The following PDE10A variants were observed in gnomAD, a reference collection of about 807,000 sequenced individuals.
PDE10A encodes cAMP and cAMP-inhibited cGMP 3',5'-cyclic phosphodiesterase 10A.
In PDE10A, 39 loss-of-function variants were observed where a neutral mutation model predicts 97.7. That is an observed-to-expected ratio of 0.40 (90% CI 0.31 to 0.52). The LOEUF is 0.52. Ranked by LOEUF, PDE10A falls within the 20% of genes least tolerant of loss-of-function variation. The pLI, the probability that PDE10A is intolerant of heterozygous loss-of-function variation, is 0.56. For missense variants in PDE10A, 731 were observed against 1,047.8 expected (o/e 0.70, Z 4.17); for synonymous variants, 371 against 376.8 (o/e 0.98, Z 0.18).
At chr6:165,521,552 AG>A (rs1463161665) in intron 2 of PDE10A, among the ~76,000 whole-genome samples, 1 of 152,230 alleles carries the variant, frequency 6.6e-6, no homozygotes, top group African/African-American at 2.4e-5. Flanking sequence ...GTGATACAAA[AG>A]AGAAACAGCT....
At position 165,836,627 on chromosome 6, in the gene PDE10A, C is replaced by T. The variant is rs144521355; in HGVS notation, c.-615+150902G>A. On this transcript the variant is annotated intron_variant, in intron 1 of 19. Transcript: ENST00000366882. ...TCCTGCCTCGGGGCAGTGACCTCTG[C>T]GGTCAGTGATATCTGGGGACCAAGC... Among the ~76,000 whole-genome samples, 45 of 152,314 alleles carry T rather than the reference C, an allele frequency of 3.0e-4. No homozygotes were observed. The Middle Eastern group carries it at 0.014, about 46-fold the overall frequency.
chr6:165,564,212 C>T (rs1002730444), intron 1 of PDE10A, among the ~76,000 whole-genome samples: 2 of 152,120 alleles, frequency 1.3e-5, no homozygotes, highest in Non-Finnish European at 2.9e-5. Context: ...AAGAGTCCAA[C>T]ACTGTTCCTC....
At chr6:165,749,279 T>C (rs62427266) in intron 1 of PDE10A, among the ~76,000 whole-genome samples, 153 of 32,214 alleles carry the variant, frequency 4.7e-3, no homozygotes, top group South Asian at 0.016. Flanking sequence ...TCATCACCAT[T>C]ACCATCATCA....
chr6:165,629,239 C>A (rs927340351), intron 1 of PDE10A, among the ~76,000 whole-genome samples: 8 of 152,150 alleles, frequency 5.3e-5, no homozygotes, highest in Non-Finnish European at 1.2e-4. Flanking sequence ...TCAAGTAACA[C>A]TCATTACGCT....
chr6:165,407,188 T>C (rs760677809), intron 13 of PDE10A, among the ~76,000 whole-genome samples: 10 of 152,274 alleles, frequency 6.6e-5, no homozygotes, highest in Non-Finnish European at 1.0e-4. Context: ...CCATATTTTA[T>C]ATATAAAATG....
intron 1 of PDE10A, among the ~76,000 whole-genome samples, chr6:165,889,872 CACT>C (rs1246030153): frequency 1.5e-5 from 2 of 136,504 alleles, no homozygotes; most frequent in African/African-American, 5.4e-5. Context: ...ACTCACTCCT[CACT>C]CCTCCCTCAC....
intron 2 of PDE10A, among the ~76,000 whole-genome samples, chr6:165,521,365 G>T (rs554820608): frequency 4.9e-4 from 74 of 152,272 alleles, no homozygotes; most frequent in Admixed American, 8.5e-4. Context: ...GCAAAAGGAA[G>T]AGTCACATAC....
chr6:165,788,968 G>C (rs1256466826), intron 1 of PDE10A, among the ~76,000 whole-genome samples: 2 of 152,082 alleles, frequency 1.3e-5, no homozygotes, highest in East Asian at 3.9e-4. Context: ...AGAGGTGGTG[G>C]AAAAGGCAAT....
At chr6:165,751,112 T>C (rs952856111) in intron 1 of PDE10A, among the ~76,000 whole-genome samples, 1 of 152,130 alleles carries the variant, frequency 6.6e-6, no homozygotes, top group African/African-American at 2.4e-5. Context: ...GGTGCCGTCT[T>C]CACCTGCGGG....
intron 1 of PDE10A, among the ~76,000 whole-genome samples, chr6:165,585,074 T>C (rs906700473): frequency 6.6e-6 from 1 of 152,232 alleles, no homozygotes; most frequent in Non-Finnish European, 1.5e-5. Context: ...ATAAGATGCA[T>C]GAATAACATT....
At chr6:165,859,192 T>G (rs1361104474) in intron 1 of PDE10A, among the ~76,000 whole-genome samples, 1 of 152,218 alleles carries the variant, frequency 6.6e-6, no homozygotes, top group Non-Finnish European at 1.5e-5. Flanking sequence ...TCATGAACAC[T>G]GAAACTCACG....
chr6:165,757,261 C>T (rs921905862), intron 1 of PDE10A, among the ~76,000 whole-genome samples: 3 of 152,250 alleles, frequency 2.0e-5, no homozygotes, highest in African/African-American at 7.2e-5. Flanking sequence ...CGTGCCCAGC[C>T]TAGGATGCTA....
At chr6:165,738,485 G>A (rs1792638043) in intron 1 of PDE10A, among the ~76,000 whole-genome samples, 1 of 151,614 alleles carries the variant, frequency 6.6e-6, no homozygotes, top group Non-Finnish European at 1.5e-5. Flanking sequence ...GTGTGCATGT[G>A]TCTTTATAGC....
At position 165,399,991 on chromosome 6, in the gene PDE10A, G is replaced by T. The variant is rs191414544; in HGVS notation, c.2077-3532C>A. 2.6e-5 allele frequency among the ~76,000 whole-genome samples: 4 copies of T among 152,298 alleles called. No individual in the cohort carries two copies. The South Asian group carries it at 8.3e-4, about 32-fold the overall frequency. ...GGTAGTGGCATCAAGGGGCACAAAC[G>T]GATCAGTGGAACTAAATACAGAAAT... On this transcript the variant is annotated intron_variant, in intron 13 of 21. Coordinates refer to ENST00000539869, the MANE Select transcript of PDE10A (RefSeq NM_001385079.1).
chr6:165,654,256 G>A (rs1368741544), intron 1 of PDE10A, among the ~76,000 whole-genome samples: 10 of 151,896 alleles, frequency 6.6e-5, no homozygotes, highest in South Asian at 2.1e-4. Context: ...AGTCACTCCC[G>A]TCATCCTCCT....
chr6:165,855,038 A>C (rs530014864), intron 1 of PDE10A, among the ~76,000 whole-genome samples: 7 of 138,438 alleles, frequency 5.1e-5, no homozygotes, highest in East Asian at 4.0e-4. Flanking sequence ...TGAATGCATG[A>C]ATGAATGAAG....
chr6:165,661,841 C>G lies in PDE10A; in HGVS notation c.865+106G>C, dbSNP rs1460838490. 2.3e-5 allele frequency: 14 copies of G among 617,120 alleles called. No homozygotes were observed. Among genetic ancestry groups the G allele is most frequent in the Non-Finnish European group, 3.8e-5 (13 of 338,380 alleles). 38.2% of individuals were successfully genotyped at this position (617,120 alleles called of 1,614,324 possible). ...TGGGCGCTCCACGCCCGGGCACGGG[C>G]ACCTCGCTCGACACCCGCTTCCCAC... On this transcript the variant is annotated intron_variant, in intron 1 of 21. Transcript: ENST00000539869. This position sits in a 1 kb window ranked among gnomAD's most constrained non-coding sequence, Gnocchi z 4.8.
intron 1 of PDE10A, among the ~76,000 whole-genome samples, chr6:165,651,826 C>T (rs1789700923): frequency 6.6e-6 from 1 of 152,072 alleles, no homozygotes; most frequent in African/African-American, 2.4e-5. Flanking sequence ...CCTGGAGGTG[C>T]TCTGCATGGA....
intron 1 of PDE10A, among the ~76,000 whole-genome samples, chr6:165,929,187 TAA>T (rs993521579): frequency 5.6e-4 from 85 of 152,238 alleles, no homozygotes; most frequent in African/African-American, 2.0e-3. Context: ...GGTAAACTGG[TAA>T]AGACGTGGTT....
Sources: allele counts gnomAD v4.1 joint callset (sites outside exome capture counted in the v4.1 genomes callset), GRCh38; gene constraint gnomAD v4.1.1; non-coding constraint Gnocchi (gnomAD v3.1); transcripts MANE v1.5; gene names NCBI Gene and HGNC (gene_info 2026-07-23, HGNC 2026-07-21).